Variants in DIAPH2 observed in about 807,000 individuals in gnomAD.
DIAPH2 encodes the protein diaphanous related formin 2.
DIAPH2 carries 35 observed loss-of-function variants against 92.7 expected under a neutral mutation model. The ratio of observed to expected loss-of-function variants is 0.38; its 90% CI spans 0.29 to 0.50. The LOEUF (loss-of-function observed/expected upper bound fraction) is 0.50, where lower values mean the gene tolerates loss of function less well. Ranked by LOEUF, DIAPH2 falls within the 20% of genes least tolerant of loss-of-function variation. The pLI, the probability that DIAPH2 is intolerant of heterozygous loss-of-function variation, is 0.94. For missense variants in DIAPH2, 701 were observed against 819.5 expected, an observed-to-expected ratio of 0.86 and a Z score of 1.77; for synonymous variants, 301 against 280.4, an observed-to-expected ratio of 1.07 and a Z score of -0.73.
chrX:97,258,878 A>G (rs1323059575), intron 23 of DIAPH2, among the ~76,000 whole-genome samples: 1 of 105,980 alleles, frequency 9.4e-6, no homozygotes, highest in East Asian at 2.9e-4. Flanking sequence ...CTCAAAAAAA[A>G]AAAAAAAAAA....
At chrX:96,870,272 T>A (rs1195625346) in intron 4 of DIAPH2, among the ~76,000 whole-genome samples, 1 of 110,204 alleles carries the variant, frequency 9.1e-6, no homozygotes, top group Non-Finnish European at 1.9e-5. Context: ...TTATTTATTT[T>A]TTTTCTTGAG....
intron 4 of DIAPH2, among the ~76,000 whole-genome samples, chrX:96,785,869 C>T (rs773671577): frequency 5.4e-5 from 6 of 111,265 alleles, no homozygotes; most frequent in African/African-American, 1.3e-4. Context: ...CTCCTAATAC[C>T]GCCACAATGG....
chrX:96,936,516 C>T (rs1443808584), intron 10 of DIAPH2, among the ~76,000 whole-genome samples: 1 of 111,306 alleles, frequency 9.0e-6, no homozygotes, highest in African/African-American at 3.3e-5. Flanking sequence ...ATATATTGAG[C>T]CCAACAATCT....
intron 21 of DIAPH2, among the ~76,000 whole-genome samples, chrX:97,123,019 A>T (rs757942270): frequency 2.7e-5 from 3 of 112,103 alleles, no homozygotes; most frequent in Non-Finnish European, 5.6e-5. Flanking sequence ...CAAACATTTC[A>T]ATTTAAGGGT....
At chrX:96,738,256 A>G (rs1200190056) in intron 2 of DIAPH2, among the ~76,000 whole-genome samples, 2 of 111,727 alleles carry the variant, frequency 1.8e-5, no homozygotes, top group Non-Finnish European at 3.8e-5. Context: ...TAAAGTTGCC[A>G]CCAAAGACAC....
intron 22 of DIAPH2, among the ~76,000 whole-genome samples, chrX:97,194,487 T>G (rs1169693001): frequency 9.1e-6 from 1 of 109,915 alleles, no homozygotes; most frequent in African/African-American, 3.3e-5. Flanking sequence ...GGTTTCACTG[T>G]GTTAGCCAGG....
At position 96,916,545 on chromosome X, in the gene DIAPH2, T is replaced by C. The variant is rs751273633; in HGVS notation, c.840T>C (p.Ser280=). The C allele has an allele frequency of 1.7e-6, 2 of 1,204,591 alleles. No individual in the cohort carries two copies. Among genetic ancestry groups the C allele is most frequent in the South Asian group, 3.6e-5 (2 of 55,255 alleles). Residue 280 remains serine (S), a synonymous_variant, in exon 8 of 27, where the codon TCT becomes TCC. Transcript: ENST00000324765. The part of the protein sequence containing the change: ...NMMTEIVKIL[S]AICIVGEENI... ...TGACTGAAATAGTAAAAATACTTTC[T>C]GCTATTTGCATTGTTGGAGAAGAGA...
At chrX:96,970,162 A>G (rs998496378) in intron 17 of DIAPH2, among the ~76,000 whole-genome samples, 6 of 111,285 alleles carry the variant, frequency 5.4e-5, no homozygotes, top group African/African-American at 2.0e-4. Flanking sequence ...CATTAGAGAT[A>G]GTGGCCTGCA....
intron 23 of DIAPH2, among the ~76,000 whole-genome samples, chrX:97,265,870 A>G (rs1308475688): frequency 8.9e-6 from 1 of 111,955 alleles, no homozygotes; most frequent in Non-Finnish European, 1.9e-5. Context: ...TTAACTAGAC[A>G]GTTCTCTAAA....
intron 22 of DIAPH2, among the ~76,000 whole-genome samples, chrX:97,197,078 T>C (rs1353093022): frequency 9.0e-6 from 1 of 111,448 alleles, no homozygotes; most frequent in Non-Finnish European, 1.9e-5. Flanking sequence ...TAGGAAGTTT[T>C]GAGGAAATAC....
At chrX:96,945,922 C>G (rs1314311527) in intron 14 of DIAPH2, among the ~76,000 whole-genome samples, 1 of 111,831 alleles carries the variant, frequency 8.9e-6, no homozygotes, top group African/African-American at 3.2e-5. Flanking sequence ...TTGCAGCTGT[C>G]GCTTGCAATA....
intron 22 of DIAPH2, among the ~76,000 whole-genome samples, chrX:97,177,612 A>G (rs937131642): frequency 2.8e-5 from 3 of 107,635 alleles, no homozygotes; most frequent in Non-Finnish European, 5.8e-5. Context: ...GCATTTTTTA[A>G]TTCATGTAGA....
intron 19 of DIAPH2, among the ~76,000 whole-genome samples, chrX:97,093,964 A>AT (rs1228272615): frequency 1.5e-4 from 17 of 111,729 alleles, no homozygotes; most frequent in African/African-American, 3.6e-4. Flanking sequence ...CCTGAAAGAG[A>AT]TTTTTTTTAG....
At chrX:96,763,144 C>A in intron 4 of DIAPH2, 1 of 936,985 alleles carries the variant, frequency 1.1e-6, no homozygotes, top group Non-Finnish European at 1.4e-6. Context: ...ATGTGTTTTA[C>A]CCTTAGATAT....
chrX:96,720,047 G>C (rs1319654208), intron 1 of DIAPH2, among the ~76,000 whole-genome samples: 2 of 111,236 alleles, frequency 1.8e-5, no homozygotes, highest in African/African-American at 6.5e-5. Flanking sequence ...TCTTGGATTC[G>C]GGTCAAAATT....
chrX:97,335,933 A>G (rs1030097876), intron 23 of DIAPH2, among the ~76,000 whole-genome samples: 5 of 111,547 alleles, frequency 4.5e-5, no homozygotes, highest in African/African-American at 1.6e-4. Context: ...GATCTATAGA[A>G]TCTGGTTCCT....
chrX:97,368,905 T>TTTA, intron 24 of DIAPH2, among the ~76,000 whole-genome samples: 1 of 83,104 alleles, frequency 1.2e-5, no homozygotes, highest in South Asian at 7.3e-4. Context: ...CTTTCTTTTT[T>TTTA]TTTTTTTTTT....
chrX:96,837,433 C>CTCTCTCTGTG (rs1189132418), intron 4 of DIAPH2, among the ~76,000 whole-genome samples: 46 of 41,340 alleles, frequency 1.1e-3, no homozygotes, highest in East Asian at 3.2e-3. Flanking sequence ...CTCTCTCTCT[C>CTCTCTCTGTG]TGTGTGTGTG....
At chrX:97,479,939 A>G (rs780924085) in intron 26 of DIAPH2, among the ~76,000 whole-genome samples, 1 of 111,717 alleles carries the variant, frequency 9.0e-6, no homozygotes, top group East Asian at 2.8e-4. Context: ...GCTTATTTCA[A>G]AAGGAAAAAA....
Sources: gnomAD v4.1 joint callset for allele counts (sites outside exome capture counted in the v4.1 genomes callset) on GRCh38, gnomAD v4.1.1 for gene constraint, MANE v1.5 for transcripts, NCBI Gene and HGNC (gene_info 2026-07-23, HGNC 2026-07-21) for gene names.